VRTN: variants seen among roughly 807,000 people sequenced by gnomAD.
VRTN encodes vertebrae development associated, also known as vertnin.
In VRTN, 5 loss-of-function variants were observed where a neutral mutation model predicts 18.2. The observed-to-expected ratio is 0.27, with a 90% CI of 0.14 to 0.58. The LOEUF is 0.58. VRTN is among the 20% of genes least tolerant of loss of function. The pLI is 0.91. For synonymous variants in VRTN, 381 were observed against 393.7 expected, an observed-to-expected ratio of 0.97 and a Z score of 0.38; for missense variants, 741 against 939.4, an observed-to-expected ratio of 0.79 and a Z score of 2.76.
rs1799361771 is a variant in VRTN at position 74,358,576 on chromosome 14, A to T, written c.1793A>T (p.Asp598Val). Residue 598 changes from aspartate (D) to valine (V), a missense_variant, in exon 2 of 2, where the codon GAT becomes GTT. Asp to Val is a radical substitution (Grantham distance 152). Around this residue, in one of 3 missense-constraint regions of VRTN, gnomAD observed 494 missense variants for 546.5 expected, o/e 0.90. Coordinates refer to ENST00000256362, the MANE Select transcript of VRTN (RefSeq NM_018228.3). This position sits in a 1 kb window ranked among gnomAD's most constrained non-coding sequence, Gnocchi z 5.4. ...MAPPVGASSE[D>V]VEGGPSREGA... is the part of the protein sequence containing the mutation. ...CCACCTGTGGGGGCTTCTTCAGAAG[A>T]TGTAGAGGGAGGGCCTTCCAGAGAG... 54 of 1,604,914 alleles carry T rather than the reference A, an allele frequency of 3.4e-5. No homozygotes were observed. Among genetic ancestry groups the T allele is most frequent in the Non-Finnish European group, 4.6e-5 (54 of 1,175,038 alleles).
At chr14:74,323,293 G>A (rs1278934662) in intron 1 of VRTN, among the ~76,000 whole-genome samples, 1 of 151,812 alleles carries the variant, frequency 6.6e-6, no homozygotes, top group Non-Finnish European at 1.5e-5. Context: ...GTTAAAAAGT[G>A]CAGGTTCTGG....
intron 2 of VRTN, among the ~76,000 whole-genome samples, chr14:74,341,888 C>T (rs1484117965): frequency 6.6e-6 from 1 of 152,046 alleles, no homozygotes; most frequent in African/African-American, 2.4e-5. Context: ...TTGTTCAAAG[C>T]GAGGTATATA....
chr14:74,325,142 C>T (rs2085480565), intron 1 of VRTN, among the ~76,000 whole-genome samples: 1 of 152,060 alleles, frequency 6.6e-6, no homozygotes, highest in Non-Finnish European at 1.5e-5. Flanking sequence ...TAATAAAGTC[C>T]TGGGGAGTGC....
chr14:74,344,979 G>A (rs1045786443), upstream of VRTN, among the ~76,000 whole-genome samples: 5 of 152,086 alleles, frequency 3.3e-5, no homozygotes. Flanking sequence ...TGCTTCTGGA[G>A]AGAGAAACTG....
intron 1 of VRTN, among the ~76,000 whole-genome samples, chr14:74,330,441 C>T (rs979052450): frequency 7.2e-6 from 1 of 138,014 alleles, no homozygotes; most frequent in Admixed American, 7.4e-5. Flanking sequence ...CAGTATCAAA[C>T]TTTTTTTTTT....
At chr14:74,350,368 C>T (rs527678928) in intron 1 of VRTN, among the ~76,000 whole-genome samples, 1 of 152,026 alleles carries the variant, frequency 6.6e-6, no homozygotes, top group African/African-American at 2.4e-5. Context: ...TGGAACTGGG[C>T]CTGGGAAGAG....
At chr14:74,319,558 G>A (rs1003775207) in intron 1 of VRTN, among the ~76,000 whole-genome samples, 2 of 151,966 alleles carry the variant, frequency 1.3e-5, no homozygotes, top group African/African-American at 4.8e-5. Flanking sequence ...GGGGTTGGGA[G>A]TTATGGGGAA....
rs1217674799 is a variant in VRTN at position 74,356,965 on chromosome 14, T to C, written c.182T>C (p.Val61Ala). ...PGLQVLEVDS[V>A]ALSLYPEDAP... ...CTCCAGGTGCTGGAAGTGGACTCGG[T>C]GGCCCTGAGCCTGTATCCAGAAGAT... Residue 61 changes from valine (V) to alanine (A), a missense_variant, in exon 2 of 2, where the codon GTG becomes GCG. Physicochemically the swap from Val to Ala is moderately conservative, Grantham distance 64 (BLOSUM62 0). Around this residue, in one of 3 missense-constraint regions of VRTN, gnomAD observed 186 missense variants for 288.3 expected, o/e 0.65. Coordinates refer to ENST00000256362, the MANE Select transcript of VRTN (RefSeq NM_018228.3). 5 of 1,613,604 alleles carry C rather than the reference T, an allele frequency of 3.1e-6. No individual in the cohort carries two copies. The highest frequency in any genetic ancestry group is 1.1e-5 in the South Asian group (1 of 90,986).
At chr14:74,327,537 G>T (rs1448853882) in intron 1 of VRTN, among the ~76,000 whole-genome samples, 4 of 152,104 alleles carry the variant, frequency 2.6e-5, no homozygotes, top group Non-Finnish European at 5.9e-5. Context: ...AATTCCCGTA[G>T]AGCAGGACAG....
At chr14:74,308,939 A>G (rs79364142) in intron 1 of VRTN, among the ~76,000 whole-genome samples, 13,545 of 147,954 alleles carry the variant, frequency 0.092, 1,537 homozygotes, top group African/African-American at 0.26. Flanking sequence ...CTCAGGTCAC[A>G]GCAACCTCTG....
intron 2 of VRTN, among the ~76,000 whole-genome samples, chr14:74,341,350 C>T (rs2085604435): frequency 6.6e-6 from 1 of 152,138 alleles, no homozygotes; most frequent in South Asian, 2.1e-4. Context: ...TATCATACTC[C>T]AAAATTTAGA....
Position 74,357,703 on chromosome 14 carries a change from G to A in VRTN, c.920G>A (p.Arg307Gln), listed in dbSNP as rs779468955. ...YRWRRQSQEH[R>Q]QKVAARFSAK... ...TGGCGGCGGCAGTCCCAGGAGCACC[G>A]GCAGAAGGTTGCTGCCCGCTTCTCC... Residue 307 changes from arginine (R) to glutamine (Q), a missense_variant, in exon 2 of 2, where the codon CGG (arginine) becomes CAG (glutamine). Arg to Gln is a conservative substitution (Grantham distance 43). This residue lies in a region of VRTN where 494 missense variants were observed against 546.5 expected (regional missense o/e 0.90). Transcript: ENST00000256362. This position sits in a 1 kb window ranked among gnomAD's most constrained non-coding sequence, Gnocchi z 7.8. 16 of 1,613,576 alleles carry A rather than the reference G, an allele frequency of 9.9e-6. No individual in the cohort carries two copies. Among genetic ancestry groups the A allele is most frequent in the Admixed American group, 5.0e-5 (3 of 60,024 alleles).
At chr14:74,351,706 C>T (rs1302718105) in intron 1 of VRTN, among the ~76,000 whole-genome samples, 2 of 151,804 alleles carry the variant, frequency 1.3e-5, no homozygotes, top group Non-Finnish European at 2.9e-5. Context: ...TCTCTAACTC[C>T]TAGGGCTCAA....
chr14:74,332,746 T>C (rs1227589410), intron 1 of VRTN, among the ~76,000 whole-genome samples: 1 of 152,162 alleles, frequency 6.6e-6, no homozygotes, highest in Non-Finnish European at 1.5e-5. Context: ...TCACATTGCT[T>C]GAATCAAATA....
upstream of VRTN, among the ~76,000 whole-genome samples, chr14:74,344,601 G>C (rs1244410373): frequency 6.6e-6 from 1 of 151,174 alleles, no homozygotes; most frequent in Non-Finnish European, 1.5e-5. Flanking sequence ...GGGGCGTGGT[G>C]GTGGGCATCT....
chr14:74,318,711 CTTT>C (rs35673718), intron 1 of VRTN, among the ~76,000 whole-genome samples: 9 of 121,670 alleles, frequency 7.4e-5, no homozygotes, highest in East Asian at 2.7e-4. Flanking sequence ...CGTGTCCGGC[CTTT>C]TTTTTTTTTT....
intron 1 of VRTN, among the ~76,000 whole-genome samples, chr14:74,329,853 A>G (rs368012661): frequency 6.7e-6 from 1 of 150,232 alleles, no homozygotes; most frequent in African/African-American, 2.5e-5. Flanking sequence ...CTGGGATTAT[A>G]GGCATGAGCC....
chr14:74,337,185 A>T (rs763177521), intron 1 of VRTN, among the ~76,000 whole-genome samples: 4 of 152,106 alleles, frequency 2.6e-5, no homozygotes, highest in Non-Finnish European at 5.9e-5. Flanking sequence ...TCTACTAAAA[A>T]TACAAAAATT....
chr14:74,346,567 C>A (rs1166157707), upstream of VRTN, among the ~76,000 whole-genome samples: 1 of 152,138 alleles, frequency 6.6e-6, no homozygotes, highest in Admixed American at 6.6e-5. Flanking sequence ...GCATGCACTA[C>A]CACGCCTGGC....
Sources: allele counts gnomAD v4.1 joint callset (sites outside exome capture counted in the v4.1 genomes callset), GRCh38; gene constraint gnomAD v4.1.1; regional missense constraint gnomAD v4.1.1; non-coding constraint Gnocchi (gnomAD v3.1); transcripts MANE v1.5; gene names NCBI Gene and HGNC (gene_info 2026-07-23, HGNC 2026-07-21).